Variants in TPH2 observed in about 807,000 individuals in gnomAD.
TPH2 encodes the protein tryptophan hydroxylase 2, also known as tryptophan 5-hydroxylase 2.
Under a neutral mutation model 59.1 loss-of-function variants are expected in TPH2, and 27 were observed. That is an observed-to-expected ratio of 0.46 (90% confidence interval 0.34 to 0.63). TPH2 has a LOEUF of 0.63. TPH2 is among the 30% of genes least tolerant of loss of function. The pLI is 0.01. For missense variants in TPH2, 523 were observed against 588.3 expected, an observed-to-expected ratio of 0.89 and a Z score of 1.15; for synonymous variants, 220 against 210.5, an observed-to-expected ratio of 1.05 and a Z score of -0.39.
intron 8 of TPH2, among the ~76,000 whole-genome samples, chr12:72,017,172 TG>T (rs1450178073): frequency 6.6e-6 from 1 of 152,216 alleles, no homozygotes; most frequent in Non-Finnish European, 1.5e-5. Flanking sequence ...TCTGTGGACT[TG>T]GTCCCTTCAA....
chr12:71,952,978 G>A (rs1871391231), intron 5 of TPH2, among the ~76,000 whole-genome samples: 1 of 152,102 alleles, frequency 6.6e-6, no homozygotes, highest in African/African-American at 2.4e-5. Context: ...CTTTAGTGAT[G>A]TTAATACCGT....
At chr12:72,012,198 T>C (rs112013077) in intron 8 of TPH2, among the ~76,000 whole-genome samples, 1,424 of 141,896 alleles carry the variant, frequency 0.01, 21 homozygotes, top group African/African-American at 0.032. Flanking sequence ...ACAACAACAA[T>C]AACAACAACA....
intron 6 of TPH2, among the ~76,000 whole-genome samples, 199 bp downstream of exon 6, chr12:71,972,914 T>C (rs1479783709): frequency 6.6e-6 from 1 of 152,168 alleles, no homozygotes; most frequent in East Asian, 1.9e-4. Context: ...CTCAGGAGCT[T>C]GCTGAGGCCT....
At chr12:72,005,412 T>A (rs763262473) in intron 8 of TPH2, among the ~76,000 whole-genome samples, 42 of 152,070 alleles carry the variant, frequency 2.8e-4, no homozygotes, top group Non-Finnish European at 4.4e-4. Flanking sequence ...GTAGAAAAAA[T>A]TTAAAACATA....
In TPH2 at chr12:71,944,350, T is replaced by A. The variant is rs778087313; in HGVS notation, c.312T>A (p.Ser104=). Residue 104 remains serine (S), a synonymous_variant, in exon 3 of 11, where the codon TCT becomes TCA. Transcript: ENST00000333850. ...IESRKSRRRS[S]EVEIFVDCEC... is the part of the protein sequence containing the mutation. ...CCAGGAAATCTCGGCGAAGAAGTTC[T>A]GAGGTTGAAATCTTTGTGGACTGTG... 3.7e-6 allele frequency: 6 copies of A among 1,613,954 alleles called. No individual in the cohort carries two copies. Among genetic ancestry groups the A allele is most frequent in the Admixed American group, 1.7e-5 (1 of 59,990 alleles).
chr12:72,014,764 G>C (rs1309581264), intron 8 of TPH2, among the ~76,000 whole-genome samples: 2 of 152,136 alleles, frequency 1.3e-5, no homozygotes, highest in South Asian at 2.1e-4. Context: ...GCCTTAGTGT[G>C]ATTTGGCTTT....
At chr12:71,945,862 A>G (rs1305619379) in intron 4 of TPH2, among the ~76,000 whole-genome samples, 1 of 152,244 alleles carries the variant, frequency 6.6e-6, no homozygotes, top group Admixed American at 6.5e-5. Flanking sequence ...TCTCTCAAAG[A>G]AACAATGTGT....
chr12:71,998,302 G>A (rs1264365180), intron 8 of TPH2, among the ~76,000 whole-genome samples: 1 of 152,094 alleles, frequency 6.6e-6, no homozygotes, highest in African/African-American at 2.4e-5. Flanking sequence ...TTCGAATAGT[G>A]TTTTGCAGAC....
chr12:71,947,625 CG>C (rs1871230726), intron 4 of TPH2, among the ~76,000 whole-genome samples: 1 of 151,840 alleles, frequency 6.6e-6, no homozygotes, highest in Non-Finnish European at 1.5e-5. Context: ...GTGTTTTATC[CG>C]GTAACCCTAT....
rs111795076 is a variant in TPH2, at chr12:71,945,953, T to G, written c.540+1267T>G. 9.8e-5 allele frequency among the ~76,000 whole-genome samples: 15 copies of G among 152,290 alleles called. 1 individual carries two copies. The highest frequency in any genetic ancestry group is 3.6e-4 in the African/African-American group (15 of 41,566). ...AGGCTTCTGAACATTAGAAAAACAT[T>G]AAAAAATAGCTTTAGTAATCACCCA... On this transcript the variant is annotated intron_variant, in intron 4 of 10. Coordinates refer to ENST00000333850, the MANE Select transcript of TPH2 (RefSeq NM_173353.4).
Position 71,979,010 on chromosome 12 carries a change from G to A in TPH2, c.864G>A (p.Leu288=), listed in dbSNP as rs1872197188. The A allele has an allele frequency of 1.9e-6, 3 of 1,613,732 alleles. No homozygotes were observed. Among genetic ancestry groups the A allele is most frequent in the African/African-American group, 2.7e-5 (2 of 74,904 alleles). Residue 288 remains leucine, a synonymous_variant, in exon 7 of 11, where the codon CTG becomes CTA. Coordinates refer to ENST00000333850, the MANE Select transcript of TPH2 (RefSeq NM_173353.4). The stretch of plus-strand genomic sequence containing the variant: ...GATACCTGAGCCCACGAGACTTTCT[G>A]GCAGGACTGGCCTACAGAGTGTTCC... ...VAGYLSPRDF[L]AGLAYRVFHC... is the part of the protein sequence containing the mutation.
At chr12:71,986,412 C>T (rs1188061205) in intron 7 of TPH2, among the ~76,000 whole-genome samples, 1 of 152,002 alleles carries the variant, frequency 6.6e-6, no homozygotes, top group East Asian at 1.9e-4. Context: ...GTGCCTAAAG[C>T]AAAAATAACC....
intron 2 of TPH2, among the ~76,000 whole-genome samples, chr12:71,944,023 G>A (rs1291879366): frequency 6.6e-6 from 1 of 151,822 alleles, no homozygotes; most frequent in Non-Finnish European, 1.5e-5. Flanking sequence ...AAATGATGAT[G>A]TTCATTTTAC....
chr12:71,943,246 T>G (rs539990561), intron 2 of TPH2, among the ~76,000 whole-genome samples: 10 of 152,286 alleles, frequency 6.6e-5, no homozygotes, highest in Non-Finnish European at 1.2e-4. Context: ...GGGTGCTGTT[T>G]GATTTGATAC....
chr12:72,026,462 A>C (rs554921029), intron 9 of TPH2, among the ~76,000 whole-genome samples: 2 of 152,270 alleles, frequency 1.3e-5, no homozygotes, highest in Admixed American at 1.3e-4. Flanking sequence ...ACTTGCAGCA[A>C]CTCTGGGAGG....
intron 8 of TPH2, among the ~76,000 whole-genome samples, chr12:72,018,888 A>G (rs1475788514): frequency 6.6e-6 from 1 of 152,154 alleles, no homozygotes; most frequent in African/African-American, 2.4e-5. Context: ...AAGCTCCTTA[A>G]AATCCTGAGC....
At chr12:71,970,683 T>C (rs778812605) in intron 5 of TPH2, among the ~76,000 whole-genome samples, 3 of 152,256 alleles carry the variant, frequency 2.0e-5, no homozygotes, top group Non-Finnish European at 4.4e-5. Flanking sequence ...ACATCTTTTC[T>C]ATTTTTGTCT....
At chr12:72,016,241 T>A (rs11179049) in intron 8 of TPH2, among the ~76,000 whole-genome samples, 83,069 of 151,906 alleles carry the variant, frequency 0.55, 23,660 homozygotes, top group Non-Finnish European at 0.64. Context: ...GGTTGAGTTT[T>A]CCTATTATTT....
intron 1 of TPH2, 140 bp from the exon 2 acceptor site, chr12:71,941,444 G>C (rs1871063064): frequency 9.8e-7 from 1 of 1,016,850 alleles, no homozygotes; most frequent in Non-Finnish European, 1.4e-6. Context: ...AGTTATGAGT[G>C]ACACGGCAAC....
Sources: gnomAD v4.1 joint callset for allele counts (sites outside exome capture counted in the v4.1 genomes callset) on GRCh38, gnomAD v4.1.1 for gene constraint, MANE v1.5 for transcripts, NCBI Gene and HGNC (gene_info 2026-07-23, HGNC 2026-07-21) for gene names.